The following BSN variants were observed in gnomAD, a reference collection of about 807,000 sequenced individuals.
BSN encodes protein bassoon.
Under a neutral mutation model 264.8 loss-of-function variants are expected in BSN, and 57 were observed. The observed-to-expected ratio is 0.22, with a 90% CI of 0.17 to 0.27. The LOEUF is 0.27. Among genes scored for constraint, BSN ranks in the 10% least tolerant of loss-of-function variants. BSN has a pLI of 1.00. For missense variants in BSN, 4,615 were observed against 5,232.5 expected (o/e 0.88, Z 3.64); for synonymous variants, 2,059 against 2,137.3 (o/e 0.96, Z 1.01).
intron 1 of BSN, among the ~76,000 whole-genome samples, chr3:49,594,307 A>G (rs1434520532): frequency 1.3e-5 from 2 of 152,152 alleles, no homozygotes; most frequent in African/African-American, 4.8e-5. Context: ...ATTTTTCCTA[A>G]CATTTAAGTC....
intron 1 of BSN, among the ~76,000 whole-genome samples, chr3:49,570,086 G>C (rs1015133701): frequency 6.6e-6 from 1 of 152,186 alleles, no homozygotes; most frequent in South Asian, 2.1e-4. Flanking sequence ...AAGCTGGCTC[G>C]GAAGCCAACA....
chr3:49,647,254 G>A (rs1393309570), intron 3 of BSN, among the ~76,000 whole-genome samples: 2 of 152,218 alleles, frequency 1.3e-5, no homozygotes, highest in Non-Finnish European at 1.5e-5. Context: ...CAGCTCTCAC[G>A]TGCCTAGAGG....
chr3:49,665,145 C>G lies in BSN; in HGVS notation c.*15-84C>G. The stretch of plus-strand genomic sequence containing the variant: ...ACCATCTGCCATCCCCTGCAGGGCT[C>G]TCACAGCACTGGGCTGGCACTGGGT... On this transcript the variant is annotated intron_variant, in intron 10 of 11. Transcript: ENST00000296452. 1.5e-5 allele frequency: 5 copies of G among 329,334 alleles called. No individual in the cohort carries two copies. The South Asian group carries it at 2.3e-4, about 15-fold the overall frequency. The allele number at this position is 329,334 out of a possible 1,614,324, so 20.4% of individuals were successfully genotyped here.
Position 49,661,782 on chromosome 3 carries a change from C to A in BSN, c.9937C>A (p.Arg3313=). The change falls in exon 6 of 12, where the codon CGA becomes AGA. Residue 3313 remains arginine, a synonymous_variant. Coordinates refer to ENST00000296452, the MANE Select transcript of BSN (RefSeq NM_003458.4). ...CCTCCGGAGCATGGAGAGCAATGGTCGACCAGCCAGTACCCACTACTATGG... is the reference window on the plus strand; with the variant it reads ...CCTCCGGAGCATGGAGAGCAATGGTAGACCAGCCAGTACCCACTACTATGG... ...GHLRSMESNG[R]PASTHYYGDS... is the part of the protein sequence containing the mutation. The A allele has an allele frequency of 1.2e-6, 2 of 1,613,340 alleles. No homozygotes were observed. The highest frequency in any genetic ancestry group is 1.1e-5 in the South Asian group (1 of 91,068).
chr3:49,671,883 C>G (rs2108108269), downstream of BSN, among the ~76,000 whole-genome samples: 1 of 152,306 alleles, frequency 6.6e-6, no homozygotes. This position sits in a 1 kb window ranked among gnomAD's most constrained non-coding sequence, Gnocchi z 4.1. Flanking sequence ...AGTGCTGCCC[C>G]CTGGTGCTGC....
At position 49,625,454 on chromosome 3, in the gene BSN, C is replaced by A; in HGVS notation, c.633+71C>A. The stretch of plus-strand genomic sequence containing the variant: ...CCATACCTCCCCTGGTTCCCTTCCC[C>A]TCTTTCACCAACTCTCTTTTCCTGG... On this transcript the variant is annotated intron_variant, in intron 2 of 11. Transcript: ENST00000296452. This position sits in a 1 kb window ranked among gnomAD's most constrained non-coding sequence, Gnocchi z 4.4. The A allele has an allele frequency of 7.4e-7, 1 of 1,344,364 alleles. No individual in the cohort carries two copies. Among genetic ancestry groups the A allele is most frequent in the South Asian group, 1.8e-5 (1 of 55,452 alleles). 83.3% of individuals were successfully genotyped at this position (1,344,364 alleles called of 1,614,324 possible). A position where few individuals can be genotyped will look rare whatever the true frequency, so the allele number is the denominator to read the frequency against.
chr3:49,617,875 C>T (rs1269542063), intron 1 of BSN, among the ~76,000 whole-genome samples: 1 of 152,138 alleles, frequency 6.6e-6, no homozygotes, highest in African/African-American at 2.4e-5. Flanking sequence ...TGGGACAGGG[C>T]TTGGGCATTT....
chr3:49,604,605 C>T (rs1559602468), intron 1 of BSN, among the ~76,000 whole-genome samples: 1 of 152,062 alleles, frequency 6.6e-6, no homozygotes. Context: ...TTTTTTTACC[C>T]ATTCATCTAT....
In BSN at chr3:49,663,189, T is replaced by C. The variant is rs1327685086; in HGVS notation, c.11031T>C (p.His3677=). The part of the protein sequence containing the change: ...AKPHARDLGR[H]EARPHSQPSS... ...CACACGCTCGGGACCTGGGTCGCCA[T>C]GAGGCCCGGCCCCACTCTCAGCCCA... Residue 3677 remains histidine, a synonymous_variant, in exon 7 of 12, where the codon CAT becomes CAC. Coordinates refer to ENST00000296452, the MANE Select transcript of BSN (RefSeq NM_003458.4). 3.1e-6 allele frequency: 5 copies of C among 1,613,810 alleles called. No homozygotes were observed. Among genetic ancestry groups the C allele is most frequent in the Admixed American group, 3.3e-5 (2 of 60,012 alleles).
chr3:49,594,078 C>T (rs2052002563), intron 1 of BSN, among the ~76,000 whole-genome samples: 2 of 152,094 alleles, frequency 1.3e-5, no homozygotes, highest in South Asian at 4.1e-4. Flanking sequence ...AGGCGTGAGC[C>T]ACCACGCCCG....
intron 1 of BSN, among the ~76,000 whole-genome samples, chr3:49,598,894 C>T (rs1187529039): frequency 6.6e-6 from 1 of 152,008 alleles, no homozygotes; most frequent in Non-Finnish European, 1.5e-5. Flanking sequence ...AAAACTACAT[C>T]TTTCTTTCTT....
At chr3:49,572,968 C>T (rs1424150598) in intron 1 of BSN, among the ~76,000 whole-genome samples, 1 of 152,170 alleles carries the variant, frequency 6.6e-6, no homozygotes, top group Non-Finnish European at 1.5e-5. Context: ...TGGGGGAGGC[C>T]AAGTCTCAGA....
rs1373084019 is a variant in BSN, at chr3:49,669,643, G to T, written c.*2158G>T. 3.3e-5 allele frequency: 5 copies of T among 152,318 alleles called. No homozygotes were observed. The highest frequency in any genetic ancestry group is 7.3e-5 in the Non-Finnish European group (5 of 68,082). 9.4% of individuals were successfully genotyped at this position (152,318 alleles called of 1,614,324 possible). Reference sequence around the variant, plus strand: ...GCCAGGAGATCTGGGCTGGAGCTAGGGGGTCAATGGATGCTCAGGAAGAGC... The same window carrying T: ...GCCAGGAGATCTGGGCTGGAGCTAGTGGGTCAATGGATGCTCAGGAAGAGC... On this transcript the variant is annotated 3_prime_UTR_variant, in exon 12 of 12. Transcript: ENST00000296452.
At chr3:49,564,425 C>A (rs2051737960) in intron 1 of BSN, among the ~76,000 whole-genome samples, 1 of 152,338 alleles carries the variant, frequency 6.6e-6, no homozygotes, top group South Asian at 2.1e-4. Flanking sequence ...CTTAGAGATC[C>A]TTTCCAACCT....
At chr3:49,565,169 G>A (rs1252785219) in intron 1 of BSN, among the ~76,000 whole-genome samples, 34 of 121,618 alleles carry the variant, frequency 2.8e-4, no homozygotes, top group African/African-American at 9.1e-4. Context: ...TTTTTGAGAC[G>A]GAGTCTCACT....
rs765019028 is a variant in BSN, at chr3:49,652,460, G to A, written c.2904G>A (p.Thr968=). 1.4e-5 allele frequency: 22 copies of A among 1,613,578 alleles called. No individual in the cohort carries two copies. The East Asian group carries it at 1.6e-4, about 11-fold the overall frequency. The change falls in exon 5 of 12, where the codon ACG becomes ACA. Residue 968 remains threonine (T), a synonymous_variant. Transcript: ENST00000296452. ...REPELEMESL[T]GSPEDRSRGE... ...CTGAGCTGGAGATGGAGAGCCTAAC[G>A]GGCTCCCCTGAGGACCGCTCCCGTG...
At chr3:49,662,707 C>T in intron 6 of BSN, 145 bp downstream of exon 6, 2 of 1,423,908 alleles carry the variant, frequency 1.4e-6, no homozygotes, top group Non-Finnish European at 1.9e-6. Flanking sequence ...GCTGCCCTTG[C>T]CTGCTCCATC....
chr3:49,671,980 T>A (rs1303628691), downstream of BSN, among the ~76,000 whole-genome samples: 1 of 149,148 alleles, frequency 6.7e-6, no homozygotes, highest in Non-Finnish European at 1.5e-5. The surrounding 1 kb of genome is among the most constrained non-coding windows in gnomAD (Gnocchi z 4.1). Context: ...CTTCCTCAGA[T>A]GGTCAGGAGT....
rs2052551410 is a variant in BSN, at chr3:49,652,443, G to A, written c.2887G>A (p.Glu963Lys). The stretch of plus-strand genomic sequence containing the variant: ...CAGTCTGGACCGGGAGCCTGAGCTG[G>A]AGATGGAGAGCCTAACGGGCTCCCC... ...DPSLDREPEL[E>K]MESLTGSPED... Residue 963 changes from glutamate to lysine, a missense_variant, in exon 5 of 12, where the codon GAG becomes AAG. Glu to Lys is a moderately conservative substitution (Grantham distance 56, BLOSUM62 1). Coordinates refer to ENST00000296452, the MANE Select transcript of BSN (RefSeq NM_003458.4). The A allele has an allele frequency of 6.2e-7, 1 of 1,613,406 alleles. No homozygotes were observed. Among genetic ancestry groups the A allele is most frequent in the Non-Finnish European group, 8.5e-7 (1 of 1,179,756 alleles).
Sources: allele counts gnomAD v4.1 joint callset (sites outside exome capture counted in the v4.1 genomes callset), GRCh38; gene constraint gnomAD v4.1.1; non-coding constraint Gnocchi (gnomAD v3.1); transcripts MANE v1.5; gene names NCBI Gene and HGNC (gene_info 2026-07-23, HGNC 2026-07-21).